TBC1D15: variants seen among roughly 807,000 people sequenced by gnomAD.
The protein encoded by TBC1D15 is TBC1 domain family member 15, also known as GAP for RAB7.
TBC1D15 carries 39 observed loss-of-function variants against 95.4 expected under a neutral mutation model. The ratio of observed to expected loss-of-function variants is 0.41; its 90% CI spans 0.32 to 0.53. The LOEUF is 0.53. Ranked by LOEUF, TBC1D15 falls within the 20% of genes least tolerant of loss-of-function variation. The pLI, the probability that TBC1D15 is intolerant of heterozygous loss-of-function variation, is 0.29. For synonymous variants in TBC1D15, 258 were observed against 261.3 expected (o/e 0.99, Z 0.12); for missense variants, 733 against 794.3 (o/e 0.92, Z 0.93).
intron 1 of TBC1D15, among the ~76,000 whole-genome samples, chr12:71,852,109 A>C (rs139268530): frequency 6.6e-6 from 1 of 152,302 alleles, no homozygotes; most frequent in South Asian, 2.1e-4. Context: ...CAGCTGTTGC[A>C]TTCTGTGCAC....
chr12:71,864,947 G>T (rs1055978828), intron 1 of TBC1D15, among the ~76,000 whole-genome samples: 2 of 152,224 alleles, frequency 1.3e-5, no homozygotes, highest in African/African-American at 2.4e-5. Context: ...GGCGTAGGTT[G>T]TAGAATTTTG....
chr12:71,861,595 T>C lies in TBC1D15; in HGVS notation c.31-10475T>C, dbSNP rs144972045. Reference sequence around the variant, plus strand: ...TATTTGGGTCTTTTCACTTTTTTTCTTGGTTTGTATAAGTAATGGTTTGTC... The same window carrying C: ...TATTTGGGTCTTTTCACTTTTTTTCCTGGTTTGTATAAGTAATGGTTTGTC... On this transcript the variant is annotated intron_variant, in intron 1 of 16. Transcript: ENST00000485960. 1.3e-3 allele frequency: 1,419 copies of C among 1,118,036 alleles called. 10 individuals carry two copies. In the African/African-American group the frequency reaches 0.021, roughly 17 times the overall value. 69.3% of individuals were successfully genotyped at this position (1,118,036 alleles called of 1,614,324 possible). A position where few individuals can be genotyped will look rare whatever the true frequency, so the allele number is the denominator to read the frequency against.
intron 1 of TBC1D15, among the ~76,000 whole-genome samples, chr12:71,867,071 A>G (rs924453228): frequency 5.9e-5 from 9 of 152,244 alleles, no homozygotes; most frequent in African/African-American, 2.2e-4. Context: ...CCAAGATGAT[A>G]TGAAAAGGGT....
chr12:71,880,512 G>A lies in TBC1D15; in HGVS notation c.248G>A (p.Arg83Lys). ...VVEWTQAPKE[R>K]GHRGSEHLNS... ...GAATGGACTCAGGCCCCAAAAGAAA[G>A]AGGTCATCGAGGATCAGAACATCTG... The change falls in exon 4 of 17, where the codon AGA becomes AAA. Residue 83 changes from arginine (R) to lysine (K), a missense_variant. Arg to Lys is a conservative substitution (Grantham distance 26, BLOSUM62 2). Transcript: ENST00000485960. 3 of 1,611,776 alleles carry A rather than the reference G, an allele frequency of 1.9e-6. No homozygotes were observed. The highest frequency in any genetic ancestry group is 2.5e-6 in the Non-Finnish European group (3 of 1,178,628).
chr12:71,851,205 T>C (rs1223910658), intron 1 of TBC1D15, among the ~76,000 whole-genome samples: 5 of 151,920 alleles, frequency 3.3e-5, no homozygotes, highest in African/African-American at 1.2e-4. Context: ...GGGGAGGTGC[T>C]ACACACTTTT....
intron 12 of TBC1D15, among the ~76,000 whole-genome samples, chr12:71,914,964 T>G (rs1429948323): frequency 6.6e-6 from 1 of 152,044 alleles, no homozygotes; most frequent in Non-Finnish European, 1.5e-5. Context: ...CTTCTTTCAG[T>G]TTTTTTCTAA....
chr12:71,881,777 C>T (rs951576156), intron 4 of TBC1D15, among the ~76,000 whole-genome samples: 4 of 151,766 alleles, frequency 2.6e-5, no homozygotes, highest in African/African-American at 7.3e-5. Flanking sequence ...ATTAGCCGGG[C>T]GTGGTGGCGC....
chr12:71,892,947 T>C (rs548852063), intron 5 of TBC1D15, among the ~76,000 whole-genome samples: 1 of 151,884 alleles, frequency 6.6e-6, no homozygotes, highest in African/African-American at 2.4e-5. Context: ...TTTAATCCTT[T>C]TGGCTTTACC....
intron 3 of TBC1D15, among the ~76,000 whole-genome samples, chr12:71,876,915 A>T (rs1893964084): frequency 6.6e-6 from 1 of 150,978 alleles, no homozygotes; most frequent in Non-Finnish European, 1.5e-5. Context: ...GATTCAGGTG[A>T]TTCTCTTGCC....
intron 11 of TBC1D15, 76 bp from the exon 12 acceptor site, chr12:71,913,750 G>A (rs1592825434): frequency 1.1e-6 from 1 of 909,692 alleles, no homozygotes; most frequent in East Asian, 2.8e-5. Context: ...TAAGCGAAAT[G>A]GTGGTGATAT....
intron 11 of TBC1D15, among the ~76,000 whole-genome samples, chr12:71,908,274 A>G (rs1396745220): frequency 6.6e-6 from 1 of 152,212 alleles, no homozygotes; most frequent in South Asian, 2.1e-4. Flanking sequence ...TTAAGGGGCA[A>G]GAGAACTTAA....
At chr12:71,911,308 A>G (rs1437199011) in intron 11 of TBC1D15, among the ~76,000 whole-genome samples, 1 of 152,192 alleles carries the variant, frequency 6.6e-6, no homozygotes, top group East Asian at 1.9e-4. Flanking sequence ...ATGCTGCCAT[A>G]AAGACACATG....
intron 10 of TBC1D15, among the ~76,000 whole-genome samples, chr12:71,901,565 T>G (rs900604798): frequency 2.0e-5 from 3 of 152,130 alleles, no homozygotes; most frequent in Admixed American, 6.6e-5. Flanking sequence ...CCATGAATTA[T>G]GAAACTAGAT....
intron 1 of TBC1D15, among the ~76,000 whole-genome samples, chr12:71,853,292 A>T (rs945910482): frequency 1.3e-5 from 2 of 152,308 alleles, no homozygotes; most frequent in Middle Eastern, 3.4e-3. Flanking sequence ...ACCAAGGGAG[A>T]TGGTGCTAAA....
intron 1 of TBC1D15, among the ~76,000 whole-genome samples, chr12:71,867,716 T>C (rs1484904252): frequency 6.6e-6 from 1 of 152,220 alleles, no homozygotes; most frequent in Non-Finnish European, 1.5e-5. Flanking sequence ...CTGGAACTCC[T>C]GGGCTCAAGC....
intron 10 of TBC1D15, 128 bp from the exon 11 acceptor site, chr12:71,906,894 C>T: frequency 2.1e-6 from 1 of 481,902 alleles, no homozygotes; most frequent in South Asian, 5.1e-5. Flanking sequence ...TGAATTTTTT[C>T]TTCATTAAGT....
chr12:71,918,406 T>C (rs764464506), intron 13 of TBC1D15, 45 bp from the exon 14 acceptor site: 1 of 1,214,262 alleles, frequency 8.2e-7, no homozygotes, highest in East Asian at 2.4e-5. Flanking sequence ...TCTGACATAA[T>C]TAGCATAAGA....
intron 10 of TBC1D15, among the ~76,000 whole-genome samples, chr12:71,905,817 G>T (rs918347323): frequency 5.9e-5 from 9 of 151,862 alleles, no homozygotes; most frequent in Non-Finnish European, 1.0e-4. Flanking sequence ...ATCTAATTAA[G>T]CTCACATCAT....
chr12:71,847,652 G>T (rs1385280618), intron 1 of TBC1D15, among the ~76,000 whole-genome samples: 2 of 151,754 alleles, frequency 1.3e-5, no homozygotes, highest in Non-Finnish European at 2.9e-5. Context: ...CCGAGATTGT[G>T]CCACTGCTCT....
Sources: gnomAD v4.1 joint callset for allele counts (sites outside exome capture counted in the v4.1 genomes callset) on GRCh38, gnomAD v4.1.1 for gene constraint, MANE v1.5 for transcripts, NCBI Gene and HGNC (gene_info 2026-07-23, HGNC 2026-07-21) for gene names.